PEAK1: variants seen among roughly 807,000 people sequenced by gnomAD.
PEAK1 encodes inactive tyrosine-protein kinase PEAK1.
PEAK1 carries 54 observed loss-of-function variants against 124.7 expected under a neutral mutation model. The ratio of observed to expected loss-of-function variants is 0.43; its 90% CI spans 0.35 to 0.54. The LOEUF (loss-of-function observed/expected upper bound fraction) is 0.54. Ranked by LOEUF, PEAK1 falls within the 20% of genes least tolerant of loss-of-function variation. The pLI, the probability that PEAK1 is intolerant of heterozygous loss-of-function variation, is 0.01. For synonymous variants in PEAK1, 719 were observed against 760.0 expected (o/e 0.95, Z 0.89); for missense variants, 2,046 against 2,134.5 (o/e 0.96, Z 0.82).
chr15:77,334,987 C>A (rs2066110029), intron 2 of PEAK1: 5 of 985,406 alleles, frequency 5.1e-6, no homozygotes, highest in Non-Finnish European at 4.8e-6. Context: ...ATCCAGCAAT[C>A]TGAACAGGGT....
rs1265311837 is a variant in PEAK1 at position 77,205,266 on chromosome 15, G to GC, written c.-114-23227dup. On this transcript the variant is annotated intron_variant, in intron 6 of 9. Coordinates refer to ENST00000682557, the MANE Select transcript of PEAK1 (RefSeq NM_001385026.1). ...TCCCATTTTTTTTTTAAGATCAAAT[G>GC]CCTTTTTTTAAAAAAAAAAAAAAAG... 4.5e-3 allele frequency among the ~76,000 whole-genome samples: 621 copies of GC among 139,530 alleles called. 6 individuals carry two copies. Among genetic ancestry groups the GC allele is most frequent in the African/African-American group, 0.016 (590 of 37,062 alleles). 91.5% of individuals were successfully genotyped at this position (139,530 alleles called of 152,430 possible).
At chr15:77,320,035 C>A (rs778827902) in intron 2 of PEAK1, among the ~76,000 whole-genome samples, 3 of 152,118 alleles carry the variant, frequency 2.0e-5, no homozygotes, top group Non-Finnish European at 4.4e-5. Flanking sequence ...TTTTGTTTTT[C>A]TCTTAGTAAT....
chr15:77,348,184 G>GAAA (rs371641400), intron 2 of PEAK1: 41 of 852,324 alleles, frequency 4.8e-5, no homozygotes, highest in South Asian at 5.6e-5. Context: ...CACATGCTAA[G>GAAA]AAAAAAAAAA....
intron 2 of PEAK1, among the ~76,000 whole-genome samples, chr15:77,338,631 CT>C (rs1336126625): frequency 3.2e-5 from 2 of 63,010 alleles, no homozygotes; most frequent in Non-Finnish European, 5.8e-5. Context: ...CATGAAAAAT[CT>C]TTAAAAAAAA....
intron 5 of PEAK1, among the ~76,000 whole-genome samples, chr15:77,279,096 CGT>C (rs139127790): frequency 9.1e-6 from 1 of 109,986 alleles, no homozygotes; most frequent in Non-Finnish European, 2.2e-5. Context: ...CCAAGGTGCT[CGT>C]GTGTGCGTGT....
chr15:77,352,673 A>G, intron 2 of PEAK1: 2 of 946,446 alleles, frequency 2.1e-6, no homozygotes, highest in Non-Finnish European at 2.5e-6. Flanking sequence ...TATGATATAG[A>G]GTATTAACCT....
chr15:77,289,380 G>A (rs1331635934), intron 2 of PEAK1, among the ~76,000 whole-genome samples: 2 of 152,110 alleles, frequency 1.3e-5, no homozygotes, highest in Non-Finnish European at 2.9e-5. Flanking sequence ...GTCAAGGGCT[G>A]GTTAATCTTA....
intron 2 of PEAK1, among the ~76,000 whole-genome samples, chr15:77,312,317 C>T (rs1159550367): frequency 6.6e-6 from 1 of 152,142 alleles, no homozygotes; most frequent in African/African-American, 2.4e-5. Flanking sequence ...ATGTAATTAT[C>T]CTATTCTGTA....
intron 1 of PEAK1, among the ~76,000 whole-genome samples, chr15:77,407,835 T>C (rs184017185): frequency 6.6e-6 from 1 of 151,732 alleles, no homozygotes; most frequent in East Asian, 1.9e-4. Flanking sequence ...AATTCGCAAT[T>C]GCAAAAAAAT....
intron 5 of PEAK1, among the ~76,000 whole-genome samples, chr15:77,262,060 G>A (rs1399649757): frequency 8.5e-5 from 13 of 152,146 alleles, no homozygotes; most frequent in Admixed American, 8.5e-4. Context: ...AGCAAATGCT[G>A]AGAGATTTTG....
In PEAK1 at chr15:77,158,556, T is replaced by C. The variant is rs775165244; in HGVS notation, c.3278A>G (p.Asp1093Gly). ...GTTCGGGTCCATAGGATCTGAAATG[T>C]CTTCTTTTCCATCTTCCCTTTCCAG... ...PELEREDGKE[D>G]ISDPMDPNPC... is the part of the protein sequence containing the mutation. Residue 1093 changes from aspartate to glycine, a missense_variant, in exon 8 of 10, where the codon GAC becomes GGC. Asp to Gly is a moderately conservative substitution (Grantham distance 94, BLOSUM62 -1). Transcript: ENST00000682557. 9 of 1,614,074 alleles carry C rather than the reference T, an allele frequency of 5.6e-6. No individual in the cohort carries two copies. The Admixed American group carries it at 8.3e-5, about 15-fold the overall frequency.
At chr15:77,262,684 G>A (rs1301731342) in intron 5 of PEAK1, among the ~76,000 whole-genome samples, 1 of 151,430 alleles carries the variant, frequency 6.6e-6, no homozygotes, top group African/African-American at 2.4e-5. Flanking sequence ...GACAACATTA[G>A]ACAGACCAAC....
chr15:77,153,400 G>A (rs973745081), intron 8 of PEAK1, among the ~76,000 whole-genome samples: 15 of 151,900 alleles, frequency 9.9e-5, no homozygotes, highest in Non-Finnish European at 1.3e-4. Flanking sequence ...TCTTGCTAGC[G>A]GTCTATCAAT....
At chr15:77,222,342 C>T (rs1038029943) in intron 6 of PEAK1, among the ~76,000 whole-genome samples, 1 of 151,970 alleles carries the variant, frequency 6.6e-6, no homozygotes, top group African/African-American at 2.4e-5. Context: ...TTGTTTCATT[C>T]CACTCAGTGA....
intron 8 of PEAK1, among the ~76,000 whole-genome samples, chr15:77,146,173 T>C (rs796631800): frequency 6.6e-5 from 10 of 152,172 alleles, no homozygotes; most frequent in African/African-American, 2.2e-4. Flanking sequence ...GGGTATCTCA[T>C]TGGCTGAACC....
At chr15:77,289,727 T>C (rs1010230961) in intron 2 of PEAK1, among the ~76,000 whole-genome samples, 6 of 151,882 alleles carry the variant, frequency 4.0e-5, no homozygotes, top group East Asian at 1.9e-4. Flanking sequence ...TCCCAGCTAC[T>C]CAGGAGGCTG....
At chr15:77,345,942 A>G in intron 2 of PEAK1, 1 of 985,282 alleles carries the variant, frequency 1.0e-6, no homozygotes, top group Non-Finnish European at 1.2e-6. Context: ...ATTATAGCAC[A>G]TAGCAATGGC....
chr15:77,204,359 T>C (rs753861252), intron 6 of PEAK1, among the ~76,000 whole-genome samples: 3 of 152,156 alleles, frequency 2.0e-5, no homozygotes, highest in Non-Finnish European at 2.9e-5. Context: ...AAACTAAACA[T>C]AACTCTTACC....
intron 6 of PEAK1, among the ~76,000 whole-genome samples, chr15:77,185,595 T>G (rs927161988): frequency 4.6e-5 from 7 of 152,156 alleles, no homozygotes; most frequent in Non-Finnish European, 1.0e-4. Flanking sequence ...GCATGAACTA[T>G]TTGGTTCAGT....
Sources: allele counts gnomAD v4.1 joint callset (sites outside exome capture counted in the v4.1 genomes callset), GRCh38; gene constraint gnomAD v4.1.1; transcripts MANE v1.5; gene names NCBI Gene and HGNC (gene_info 2026-07-23, HGNC 2026-07-21).